PIKFYVE: variants seen among roughly 807,000 people sequenced by gnomAD.
PIKFYVE encodes the protein 1-phosphatidylinositol 3-phosphate 5-kinase.
PIKFYVE carries 122 observed loss-of-function variants against 257.9 expected under a neutral mutation model. The observed-to-expected ratio is 0.47, with a 90% CI of 0.41 to 0.55. The LOEUF is 0.55. Among genes scored for constraint, PIKFYVE ranks in the 20% least tolerant of loss-of-function variants. PIKFYVE has a pLI of 0.00. For synonymous variants in PIKFYVE, 892 were observed against 868.9 expected (o/e 1.03, Z -0.47); for missense variants, 2,160 against 2,536.6 (o/e 0.85, Z 3.19).
At chr2:208,350,648 C>T in intron 36 of PIKFYVE, 123 bp from the exon 37 acceptor site, 1 of 1,020,258 alleles carries the variant, frequency 9.8e-7, no homozygotes, top group South Asian at 1.4e-5. Context: ...ATCTAACATG[C>T]AAAATGCCAT....
intron 15 of PIKFYVE, among the ~76,000 whole-genome samples, chr2:208,317,486 A>C (rs574005469): frequency 6.6e-6 from 1 of 152,192 alleles, no homozygotes; most frequent in East Asian, 1.9e-4. Flanking sequence ...GGCCCAATAC[A>C]ATTCTTCTTC....
At chr2:208,287,093 ATAAAATTT>A (rs1691670844) in intron 6 of PIKFYVE, among the ~76,000 whole-genome samples, 1 of 18,984 alleles carries the variant, frequency 5.3e-5, no homozygotes, top group Non-Finnish European at 4.0e-4. Context: ...TTTAATTAAT[ATAAAATTT>A]AAAAATTTAA....
At chr2:208,267,509 T>TTTG (rs1444029807) in intron 1 of PIKFYVE, among the ~76,000 whole-genome samples, 2 of 144,508 alleles carry the variant, frequency 1.4e-5, no homozygotes, top group East Asian at 4.0e-4. Flanking sequence ...CCAGTTTTTT[T>TTTG]TTTTTTTTTT....
chr2:208,303,650 A>C (rs1472597299), intron 10 of PIKFYVE, among the ~76,000 whole-genome samples: 1 of 152,210 alleles, frequency 6.6e-6, no homozygotes. Flanking sequence ...CAGGGGTAGC[A>C]GAGGCAGAAG....
intron 17 of PIKFYVE, among the ~76,000 whole-genome samples, chr2:208,320,972 G>T (rs1436391633): frequency 1.3e-5 from 2 of 152,210 alleles, no homozygotes; most frequent in African/African-American, 4.8e-5. Context: ...TGGTAGCTTT[G>T]CTGCTCAGAG....
At chr2:208,292,044 CTTT>C (rs1272888296) in intron 7 of PIKFYVE, among the ~76,000 whole-genome samples, 2 of 151,984 alleles carry the variant, frequency 1.3e-5, no homozygotes, top group Admixed American at 6.6e-5. Flanking sequence ...TTATATTCTT[CTTT>C]GACTCATGTA....
At chr2:208,291,260 A>C (rs1692278051) in intron 7 of PIKFYVE, among the ~76,000 whole-genome samples, 1 of 152,136 alleles carries the variant, frequency 6.6e-6, no homozygotes, top group Non-Finnish European at 1.5e-5. Context: ...ACATGATTAC[A>C]TAATTATTCT....
Position 208,273,572 on chromosome 2 carries a change from C to A in PIKFYVE, c.173-12C>A. ...CAGTCTTTAAATAATGCCAAGCGTT[C>A]CCTTGCTACAGAGAGAGCAGAAGGA... On this transcript the variant is annotated splice_polypyrimidine_tract_variant and intron_variant, in intron 2 of 41. Coordinates refer to ENST00000264380, the MANE Select transcript of PIKFYVE (RefSeq NM_015040.4). The A allele has an allele frequency of 6.2e-7, 1 of 1,614,106 alleles. No homozygotes were observed. The highest frequency in any genetic ancestry group is 1.1e-5 in the South Asian group (1 of 91,064).
intron 15 of PIKFYVE, among the ~76,000 whole-genome samples, chr2:208,316,689 A>T (rs1335781442): frequency 1.3e-5 from 2 of 152,218 alleles, no homozygotes. Flanking sequence ...ATCCTAAGCC[A>T]AAAGAACAAA....
chr2:208,336,024 A>T, intron 26 of PIKFYVE, 22 bp from the exon 27 acceptor site: 1 of 1,613,914 alleles, frequency 6.2e-7, no homozygotes, highest in Non-Finnish European at 8.5e-7. Flanking sequence ...CTGTCTCCTG[A>T]AGTTGTTTCT....
chr2:208,268,818 C>G (rs1194095078), intron 1 of PIKFYVE, among the ~76,000 whole-genome samples: 3 of 151,372 alleles, frequency 2.0e-5, no homozygotes, highest in Non-Finnish European at 4.4e-5. Context: ...CATGTATTGC[C>G]AAAATTCTGT....
intron 33 of PIKFYVE, 64 bp from the exon 34 acceptor site, chr2:208,345,986 A>G (rs2125767613): frequency 2.6e-6 from 3 of 1,136,458 alleles, no homozygotes; most frequent in South Asian, 2.5e-5. Context: ...AGTGTAGAGT[A>G]CTTACTATTT....
Position 208,335,365 on chromosome 2 carries a change from G to A in PIKFYVE, c.4202G>A (p.Arg1401His), listed in dbSNP as rs373982270. 2.6e-5 allele frequency: 42 copies of A among 1,612,922 alleles called. No individual in the cohort carries two copies. The highest frequency in any genetic ancestry group is 3.4e-5 in the Non-Finnish European group (40 of 1,179,146). The change falls in exon 25 of 42, where the codon CGT (arginine) becomes CAT (histidine). Residue 1401 changes from arginine (R) to histidine (H), a missense_variant. Coordinates refer to ENST00000264380, the MANE Select transcript of PIKFYVE (RefSeq NM_015040.4). Reference protein sequence around the residue: ...CVPLPKIFIKRQAPLKVSLLQ... With the variant: ...CVPLPKIFIKHQAPLKVSLLQ... ...CCACTCCCCAAAATATTCATTAAGC[G>A]TCAGGCCCCATTAAAAGTGTCCCTT...
intron 2 of PIKFYVE, among the ~76,000 whole-genome samples, chr2:208,273,300 C>A (rs1689668702): frequency 6.6e-6 from 1 of 152,038 alleles, no homozygotes. Flanking sequence ...TTTGAATTTT[C>A]TTTTTTTAAA....
At chr2:208,287,914 A>C (rs1335848589) in intron 6 of PIKFYVE, among the ~76,000 whole-genome samples, 2 of 147,340 alleles carry the variant, frequency 1.4e-5, no homozygotes, top group Admixed American at 1.4e-4. Context: ...TTGCTTCATG[A>C]ATACTTTGGT....
In PIKFYVE at chr2:208,286,001, C is replaced by T. The variant is rs988938433; in HGVS notation, c.821+68C>T. 1.3e-5 allele frequency: 19 copies of T among 1,450,390 alleles called. No homozygotes were observed. The East Asian group carries it at 4.4e-4, about 34-fold the overall frequency. 89.8% of individuals were successfully genotyped at this position (1,450,390 alleles called of 1,614,324 possible). A position where few individuals can be genotyped will look rare whatever the true frequency, so the allele number is the denominator to read the frequency against. On this transcript the variant is annotated intron_variant, in intron 6 of 41. Coordinates refer to ENST00000264380, the MANE Select transcript of PIKFYVE (RefSeq NM_015040.4). ...TCGATAGTTGTCTGACCTTTGAGTG[C>T]TTTCAGTTAACACTTACCCTCTTAG...
chr2:208,285,374 C>T (rs187351685), intron 5 of PIKFYVE, among the ~76,000 whole-genome samples: 1 of 152,298 alleles, frequency 6.6e-6, no homozygotes, highest in Non-Finnish European at 1.5e-5. Context: ...GGATTATAGG[C>T]GTGAGCCACC....
rs1386029606 is a variant in PIKFYVE, at chr2:208,333,456, C to G, written c.4105C>G (p.Gln1369Glu). 3.1e-6 allele frequency: 5 copies of G among 1,613,910 alleles called. No individual in the cohort carries two copies. Among genetic ancestry groups the G allele is most frequent in the Non-Finnish European group, 4.2e-6 (5 of 1,180,002 alleles). ...TCACTCCATCCATCATGATTATCAC[C>G]AGTATTTCTCCTATAACCAGATGGT... ...CGHSIHHDYH[Q>E]YFSYNQMVAS... The change falls in exon 24 of 42, where the codon CAG becomes GAG. Residue 1369 changes from glutamine (Q) to glutamate (E), a missense_variant. Gln to Glu is a conservative substitution (Grantham distance 29). Around this residue, in one of 12 missense-constraint regions of PIKFYVE, gnomAD observed 699 missense variants for 855.8 expected, o/e 0.82. Transcript: ENST00000264380.
At chr2:208,270,064 A>C in intron 1 of PIKFYVE, 1 of 84,840 alleles carries the variant, frequency 1.2e-5, no homozygotes, top group Non-Finnish European at 2.4e-5. Context: ...TTTTTTGTGG[A>C]TGGAGTTTTG....
Sources: allele counts gnomAD v4.1 joint callset (sites outside exome capture counted in the v4.1 genomes callset), GRCh38; gene constraint gnomAD v4.1.1; regional missense constraint gnomAD v4.1.1; transcripts MANE v1.5; gene names NCBI Gene and HGNC (gene_info 2026-07-23, HGNC 2026-07-21).